Variants in KIF13A observed in about 807,000 individuals in gnomAD.
KIF13A encodes the protein kinesin-like protein KIF13A.
In KIF13A, 79 loss-of-function variants were observed where a neutral mutation model predicts 212.2. The ratio of observed to expected loss-of-function variants is 0.37; its 90% confidence interval spans 0.31 to 0.45. The LOEUF is 0.45. Among genes scored for constraint, KIF13A ranks in the 20% least tolerant of loss-of-function variants. KIF13A has a pLI of 1.00. For missense variants in KIF13A, 1,901 were observed against 2,209.0 expected (o/e 0.86, Z 2.79); for synonymous variants, 789 against 808.6 (o/e 0.98, Z 0.41).
Position 17,951,686 on chromosome 6 carries a change from G to A in KIF13A, c.146+35368C>T, listed in dbSNP as rs1777860165. On this transcript the variant is annotated intron_variant, in intron 2 of 38. Transcript: ENST00000259711. This position sits in a 1 kb window ranked among gnomAD's most constrained non-coding sequence, Gnocchi z 4.9. ...CTGTCTCCACGAATATGTCTGCTCT[G>A]GACATTTCACATCAATGGAATCATA... Among the ~76,000 whole-genome samples the A allele has an allele frequency of 6.6e-6, 1 of 151,918 alleles. No individual in the cohort carries two copies. The highest frequency in any genetic ancestry group is 2.4e-5 in the African/African-American group (1 of 41,342).
chr6:17,837,399 T>C lies in KIF13A; in HGVS notation c.942+73A>G. 9.9e-7 allele frequency: 1 copy of C among 1,009,932 alleles called. No individual in the cohort carries two copies. Among genetic ancestry groups the C allele is most frequent in the Non-Finnish European group, 1.5e-6 (1 of 658,646 alleles). 62.6% of individuals were successfully genotyped at this position (1,009,932 alleles called of 1,614,324 possible). Reference sequence around the variant, plus strand: ...TTCTTTAGGTATTTGGTTAGCTTTGTACACACCTTTACTCTGTCACATCTG... The same window carrying C: ...TTCTTTAGGTATTTGGTTAGCTTTGCACACACCTTTACTCTGTCACATCTG... On this transcript the variant is annotated intron_variant, in intron 10 of 38. Transcript: ENST00000259711. This position sits in a 1 kb window ranked among gnomAD's most constrained non-coding sequence, Gnocchi z 5.4.
Position 17,859,753 on chromosome 6 carries a change from C to T in KIF13A, c.221-3631G>A, listed in dbSNP as rs1486960552. Among the ~76,000 whole-genome samples, 8 of 150,220 alleles carry T rather than the reference C, an allele frequency of 5.3e-5. 1 individual carries two copies. The highest frequency in any genetic ancestry group is 9.8e-5 in the African/African-American group (4 of 40,910). ...CGTGTTCAAGTGATTCTCCTGCCTC[C>T]GCCTCCTGAGTAGCTGGGATTACAG... On this transcript the variant is annotated intron_variant, in intron 4 of 38. Transcript: ENST00000259711.
chr6:17,848,166 T>C (rs1767261032), intron 9 of KIF13A, among the ~76,000 whole-genome samples: 1 of 152,220 alleles, frequency 6.6e-6, no homozygotes, highest in Admixed American at 6.5e-5. Context: ...TAAAGTGTGA[T>C]ATTTTGATAC....
chr6:17,785,733 T>G lies in KIF13A; in HGVS notation c.3362-92A>C. The G allele has an allele frequency of 7.4e-7, 1 of 1,351,714 alleles. No individual in the cohort carries two copies. The allele number at this position is 1,351,714 out of a possible 1,614,324, so 83.7% of individuals were successfully genotyped here. ...ATAGATTTCAGCCTGGGCAACATAGTGAGACCCCATCTCTACCAAAAAAAA... is the reference window on the plus strand; with the variant it reads ...ATAGATTTCAGCCTGGGCAACATAGGGAGACCCCATCTCTACCAAAAAAAA... On this transcript the variant is annotated intron_variant, in intron 27 of 38. Coordinates refer to ENST00000259711, the MANE Select transcript of KIF13A (RefSeq NM_022113.6). This position sits in a 1 kb window ranked among gnomAD's most constrained non-coding sequence, Gnocchi z 5.8.
In KIF13A at chr6:17,898,702, C is replaced by T. The variant is rs1772798034; in HGVS notation, c.147-522G>A. On this transcript the variant is annotated intron_variant, in intron 2 of 38. Transcript: ENST00000259711. The surrounding 1 kb of genome is among the most constrained non-coding windows in gnomAD (Gnocchi z 5.2). The stretch of plus-strand genomic sequence containing the variant: ...CTCATATTTTTTAACACTGAATAGA[C>T]ATTTAAAAGCAAGTTTCCATTTTTT... 6.6e-6 allele frequency among the ~76,000 whole-genome samples: 1 copy of T among 152,012 alleles called. No homozygotes were observed. The highest frequency in any genetic ancestry group is 2.4e-5 in the African/African-American group (1 of 41,340).
rs776257915 is a variant in KIF13A, at chr6:17,855,647, G to A, written c.314-30C>T. On this transcript the variant is annotated intron_variant, in intron 5 of 38. Coordinates refer to ENST00000259711, the MANE Select transcript of KIF13A (RefSeq NM_022113.6). This position sits in a 1 kb window ranked among gnomAD's most constrained non-coding sequence, Gnocchi z 4.1. Reference sequence around the variant, plus strand: ...AGAACAGCAAGGAAAAAGAAGAACAGGTAGAGGAGGGAGCAAAATGCAATG... The same window carrying A: ...AGAACAGCAAGGAAAAAGAAGAACAAGTAGAGGAGGGAGCAAAATGCAATG... 6.5e-7 allele frequency: 1 copy of A among 1,544,402 alleles called. No homozygotes were observed. The highest frequency in any genetic ancestry group is 2.1e-5 in the Admixed American group (1 of 48,646).
chr6:17,908,176 C>T (rs1773699738), intron 2 of KIF13A, among the ~76,000 whole-genome samples: 1 of 152,252 alleles, frequency 6.6e-6, no homozygotes, highest in Non-Finnish European at 1.5e-5. Flanking sequence ...GATTGAACGA[C>T]TGCCCCACAG....
Position 17,902,324 on chromosome 6 carries a change from G to C in KIF13A, c.147-4144C>G, listed in dbSNP as rs185019311. 3.3e-5 allele frequency among the ~76,000 whole-genome samples: 5 copies of C among 152,216 alleles called. No homozygotes were observed. In the East Asian group the frequency reaches 9.7e-4, roughly 29 times the overall value. ...CTTTTAATCATGTGGACTTCTCTAA[G>C]TATTCAAGTATTAGTATTTTTGTAT... On this transcript the variant is annotated intron_variant, in intron 2 of 38. Transcript: ENST00000259711.
In KIF13A at chr6:17,951,446, A is replaced by G; in HGVS notation, c.146+35608T>C. The G allele has an allele frequency of 3.5e-6, 2 of 571,834 alleles. No individual in the cohort carries two copies. The highest frequency in any genetic ancestry group is 3.1e-5 in the East Asian group (1 of 32,652). The allele number at this position is 571,834 out of a possible 1,614,324, so 35.4% of individuals were successfully genotyped here. ...GTGACCAGCCTCAATTTAAAAAAAAAAAAAAAACAGCTTTAAGATATAATT... is the reference window on the plus strand; with the variant it reads ...GTGACCAGCCTCAATTTAAAAAAAAGAAAAAAACAGCTTTAAGATATAATT... On this transcript the variant is annotated intron_variant, in intron 2 of 38. Coordinates refer to ENST00000259711, the MANE Select transcript of KIF13A (RefSeq NM_022113.6). The surrounding 1 kb of genome is among the most constrained non-coding windows in gnomAD (Gnocchi z 4.9).
At position 17,839,773 on chromosome 6, in the gene KIF13A, G is replaced by A; in HGVS notation, c.831-2190C>T. On this transcript the variant is annotated intron_variant, in intron 9 of 38. Transcript: ENST00000259711. This position sits in a 1 kb window ranked among gnomAD's most constrained non-coding sequence, Gnocchi z 4.3. ...AGATGCAGGCAGAGACTGGAGTGAT[G>A]CATCTACAAGACAGGGAACGCCGAG... Among the ~76,000 whole-genome samples, 1 of 152,142 alleles carries A rather than the reference G, an allele frequency of 6.6e-6. No individual in the cohort carries two copies. Among genetic ancestry groups the A allele is most frequent in the East Asian group, 1.9e-4 (1 of 5,192 alleles).
Position 17,951,354 on chromosome 6 carries a change from A to C in KIF13A, c.146+35700T>G, listed in dbSNP as rs1201861651. On this transcript the variant is annotated intron_variant, in intron 2 of 38. Transcript: ENST00000259711. This position sits in a 1 kb window ranked among gnomAD's most constrained non-coding sequence, Gnocchi z 4.9. ...CCATGTTGCAAAGGCTGGTCTTGAA[A>C]TCCTCGGCTCAAGTGATCCTCTTGC... 1.5e-6 allele frequency: 1 copy of C among 645,594 alleles called. No individual in the cohort carries two copies. Among genetic ancestry groups the C allele is most frequent in the Admixed American group, 2.4e-5 (1 of 42,550 alleles). 40.0% of individuals were successfully genotyped at this position (645,594 alleles called of 1,614,324 possible). A position where few individuals can be genotyped will look rare whatever the true frequency, so the allele number is the denominator to read the frequency against.
In KIF13A at chr6:17,785,672, A is replaced by G. The variant is rs774167044; in HGVS notation, c.3362-31T>C. On this transcript the variant is annotated intron_variant, in intron 27 of 38. Coordinates refer to ENST00000259711, the MANE Select transcript of KIF13A (RefSeq NM_022113.6). The surrounding 1 kb of genome is among the most constrained non-coding windows in gnomAD (Gnocchi z 5.8). ...GAAAAAAATGAGGAGATCAATGCCA[A>G]CAAGAGAGAAAGTATGACTTCTCAG... 8 of 1,587,246 alleles carry G rather than the reference A, an allele frequency of 5.0e-6. No homozygotes were observed. In the East Asian group the frequency reaches 1.6e-4, roughly 32 times the overall value.
intron 11 of KIF13A, among the ~76,000 whole-genome samples, 179 bp downstream of exon 11, chr6:17,836,699 A>G (rs1452189401): frequency 6.6e-6 from 1 of 152,132 alleles, no homozygotes; most frequent in African/African-American, 2.4e-5. Flanking sequence ...CCATGATCCA[A>G]TCACCTCCTA....
intron 4 of KIF13A, 199 bp downstream of exon 4, chr6:17,873,178 T>C: frequency 2.0e-6 from 1 of 510,448 alleles, no homozygotes; most frequent in South Asian, 2.9e-5. Flanking sequence ...TAAAAATCTG[T>C]TCAAGGATTT....
chr6:17,813,662 C>T (rs10456810), intron 17 of KIF13A, among the ~76,000 whole-genome samples: 29,111 of 152,076 alleles, frequency 0.19, 2,945 homozygotes, highest in South Asian at 0.32. Flanking sequence ...CTTTTCTCCT[C>T]TTGGGAGTCA....
intron 9 of KIF13A, among the ~76,000 whole-genome samples, chr6:17,842,742 A>G (rs1023560494): frequency 1.3e-5 from 2 of 152,200 alleles, no homozygotes; most frequent in Non-Finnish European, 2.9e-5. Flanking sequence ...AAATCTATCA[A>G]TCATAATGAA....
chr6:17,970,001 A>C (rs61359100), intron 2 of KIF13A, among the ~76,000 whole-genome samples: 38,788 of 151,206 alleles, frequency 0.26, 6,364 homozygotes, highest in African/African-American at 0.48. Context: ...CGGCTCACTG[A>C]AAGCTCTGCC....
chr6:17,986,928 G>A (rs1323165205), intron 2 of KIF13A, 126 bp downstream of exon 2: 6 of 634,352 alleles, frequency 9.5e-6, no homozygotes, highest in African/African-American at 3.7e-5. Context: ...CTTCAAACAG[G>A]AGCCGGCGAC....
intron 4 of KIF13A, among the ~76,000 whole-genome samples, chr6:17,862,202 GT>G (rs1768868089): frequency 6.6e-6 from 1 of 152,028 alleles, no homozygotes; most frequent in South Asian, 2.1e-4. Flanking sequence ...TCAAACCTGA[GT>G]TTTACTTCTT....
Sources: gnomAD v4.1 joint callset for allele counts (sites outside exome capture counted in the v4.1 genomes callset) on GRCh38, gnomAD v4.1.1 for gene constraint, Gnocchi (gnomAD v3.1) non-coding constraint, MANE v1.5 for transcripts, NCBI Gene and HGNC (gene_info 2026-07-23, HGNC 2026-07-21) for gene names.